Variants in SYN3 observed in about 807,000 individuals in gnomAD.
SYN3 encodes synapsin III.
In SYN3, 35 loss-of-function variants were observed where a neutral mutation model predicts 65.8. The observed-to-expected ratio is 0.53, with a 90% confidence interval of 0.41 to 0.70. The LOEUF is 0.70. SYN3 is among the 30% of genes least tolerant of loss of function. The pLI is 0.00. For synonymous variants in SYN3, 270 were observed against 292.9 expected (o/e 0.92, Z 0.80); for missense variants, 680 against 749.0 (o/e 0.91, Z 1.08).
At chr22:32,671,513 TCACA>T (rs1278017470) in intron 6 of SYN3, among the ~76,000 whole-genome samples, 1 of 151,700 alleles carries the variant, frequency 6.6e-6, no homozygotes, top group Non-Finnish European at 1.5e-5. Flanking sequence ...ACACACGCTC[TCACA>T]CAGCTACACA....
chr22:32,743,550 G>A (rs781027072), intron 6 of SYN3, among the ~76,000 whole-genome samples: 4 of 152,164 alleles, frequency 2.6e-5, no homozygotes, highest in Non-Finnish European at 5.9e-5. Flanking sequence ...CTGCCCACCT[G>A]CTTGGGAAGA....
intron 6 of SYN3, among the ~76,000 whole-genome samples, chr22:32,721,538 A>C (rs1332257275): frequency 6.6e-6 from 1 of 152,186 alleles, no homozygotes; most frequent in East Asian, 1.9e-4. Context: ...ATTCTCCTTT[A>C]TTTTATCAAT....
At chr22:32,666,358 G>A (rs988614882) in intron 6 of SYN3, among the ~76,000 whole-genome samples, 36 of 210 alleles carry the variant, frequency 0.17, 1 homozygote, top group African/African-American at 0.35. Context: ...AAGCCACAGA[G>A]CCTGACACCT....
intron 1 of SYN3, among the ~76,000 whole-genome samples, chr22:33,048,939 G>C (rs1223370047): frequency 6.6e-6 from 1 of 152,142 alleles, no homozygotes; most frequent in Non-Finnish European, 1.5e-5. Flanking sequence ...AAACAGAGCA[G>C]CATGAAGATG....
chr22:33,018,458 G>A (rs778212516), intron 1 of SYN3, among the ~76,000 whole-genome samples: 22 of 152,286 alleles, frequency 1.4e-4, no homozygotes, highest in South Asian at 8.3e-4. Context: ...GGAGTGACCA[G>A]ACCAGACAGA....
At chr22:32,769,257 A>G (rs2045705354) in intron 6 of SYN3, among the ~76,000 whole-genome samples, 1 of 147,386 alleles carries the variant, frequency 6.8e-6, no homozygotes, top group African/African-American at 2.5e-5. Context: ...TCTCTCTTTC[A>G]TTCTCTCTCG....
intron 6 of SYN3, among the ~76,000 whole-genome samples, chr22:32,840,522 T>C (rs562101507): frequency 1.4e-5 from 2 of 145,388 alleles, no homozygotes; most frequent in Non-Finnish European, 3.0e-5. Flanking sequence ...CCAGCCCCCA[T>C]GCTCTTGCAG....
At chr22:32,545,050 C>T (rs115331091) in intron 7 of SYN3, among the ~76,000 whole-genome samples, 1,594 of 152,308 alleles carry the variant, frequency 0.01, 28 homozygotes, top group African/African-American at 0.037. Context: ...AAGATGTGAG[C>T]GGAAGAGGTG....
intron 7 of SYN3, among the ~76,000 whole-genome samples, chr22:32,595,190 G>C (rs2059182219): frequency 6.6e-6 from 1 of 152,084 alleles, no homozygotes; most frequent in Non-Finnish European, 1.5e-5. Flanking sequence ...ATCCAAGCAA[G>C]GTTCCATGGG....
intron 7 of SYN3, among the ~76,000 whole-genome samples, chr22:32,581,272 G>A (rs562339265): frequency 1.2e-4 from 19 of 152,270 alleles, no homozygotes; most frequent in Admixed American, 3.3e-4. Flanking sequence ...ACCACGCCCA[G>A]CTAATTTTTA....
chr22:32,644,389 C>T (rs912120761), intron 6 of SYN3, among the ~76,000 whole-genome samples: 1 of 152,052 alleles, frequency 6.6e-6, no homozygotes, highest in African/African-American at 2.4e-5. Context: ...GTGCTCTCCA[C>T]CAGTCCCTGA....
intron 6 of SYN3, among the ~76,000 whole-genome samples, chr22:32,806,082 A>G (rs2046727294): frequency 6.6e-6 from 1 of 151,742 alleles, no homozygotes; most frequent in Non-Finnish European, 1.5e-5. Flanking sequence ...AGGAGAAGTA[A>G]GGTTAATAGA....
At chr22:32,610,509 T>G (rs2059427429) in intron 6 of SYN3, among the ~76,000 whole-genome samples, 1 of 152,222 alleles carries the variant, frequency 6.6e-6, no homozygotes, top group Non-Finnish European at 1.5e-5. Flanking sequence ...TTCAGACACA[T>G]GGACTCAAAC....
At chr22:32,977,621 G>T (rs1377482701) in intron 3 of SYN3, among the ~76,000 whole-genome samples, 1 of 151,846 alleles carries the variant, frequency 6.6e-6, no homozygotes, top group East Asian at 1.9e-4. Flanking sequence ...GCAGGTGCTT[G>T]TAGTCCCAGC....
At chr22:32,590,665 T>C (rs1292261050) in intron 7 of SYN3, among the ~76,000 whole-genome samples, 1 of 152,252 alleles carries the variant, frequency 6.6e-6, no homozygotes, top group Non-Finnish European at 1.5e-5. Flanking sequence ...CTGTTCCATG[T>C]TCTCACCAAC....
intron 6 of SYN3, among the ~76,000 whole-genome samples, chr22:32,604,275 G>T (rs1459649834): frequency 6.6e-6 from 1 of 152,194 alleles, no homozygotes; most frequent in African/African-American, 2.4e-5. Context: ...TCCAGGAGGA[G>T]CTGGCCTCCA....
intron 7 of SYN3, among the ~76,000 whole-genome samples, chr22:32,545,463 T>C (rs2058323021): frequency 6.6e-6 from 1 of 152,226 alleles, no homozygotes; most frequent in African/African-American, 2.4e-5. Context: ...AGGCGCCCTC[T>C]GGGAACCCTT....
At position 32,775,624 on chromosome 22, in the gene SYN3, C is replaced by T. The variant is rs142690015; in HGVS notation, c.711+89291G>A. On this transcript the variant is annotated intron_variant, in intron 6 of 13. Coordinates refer to ENST00000358763, the MANE Select transcript of SYN3 (RefSeq NM_003490.4). ...ACTTGGCAACACTCAAACAACCCACCAACCTCAAGGTATCATGGTAGTATA... is the reference window on the plus strand; with the variant it reads ...ACTTGGCAACACTCAAACAACCCACTAACCTCAAGGTATCATGGTAGTATA... Among the ~76,000 whole-genome samples the T allele has an allele frequency of 1.6e-3, 246 of 152,284 alleles. 1 individual carries two copies. Among genetic ancestry groups the T allele is most frequent in the African/African-American group, 5.8e-3 (242 of 41,554 alleles).
At position 32,610,748 on chromosome 22, in the gene SYN3, A is replaced by G. The variant is rs539679746; in HGVS notation, c.712-14012T>C. On this transcript the variant is annotated intron_variant, in intron 6 of 13. Transcript: ENST00000358763. ...CAGGCGCATGCCACCACGCCTGGCTAATTTTGTATTTTTAGTAGAGACGGG... is the reference window on the plus strand; with the variant it reads ...CAGGCGCATGCCACCACGCCTGGCTGATTTTGTATTTTTAGTAGAGACGGG... 4.6e-5 allele frequency among the ~76,000 whole-genome samples: 7 copies of G among 152,182 alleles called. No homozygotes were observed. In the East Asian group the frequency reaches 1.4e-3, roughly 29 times the overall value.
Sources: gnomAD v4.1 joint callset for allele counts (sites outside exome capture counted in the v4.1 genomes callset) on GRCh38, gnomAD v4.1.1 for gene constraint, MANE v1.5 for transcripts, NCBI Gene and HGNC (gene_info 2026-07-23, HGNC 2026-07-21) for gene names.